Variants in HERC4 observed in about 807,000 individuals in gnomAD.
The protein encoded by HERC4 is probable E3 ubiquitin-protein ligase HERC4.
Under a neutral mutation model 124.3 loss-of-function variants are expected in HERC4, and 28 were observed. The ratio of observed to expected loss-of-function variants is 0.23; its 90% CI spans 0.17 to 0.31. The LOEUF (loss-of-function observed/expected upper bound fraction) is 0.31, where lower values mean the gene tolerates loss of function less well. HERC4 is among the 10% of genes least tolerant of loss of function. HERC4 has a pLI of 1.00. For missense variants in HERC4, 713 were observed against 1,229.3 expected (o/e 0.58, Z 6.28); for synonymous variants, 407 against 421.5 (o/e 0.97, Z 0.42).
chr10:67,989,888 C>T (rs1351259945), intron 14 of HERC4, among the ~76,000 whole-genome samples: 1 of 147,480 alleles, frequency 6.8e-6, no homozygotes, highest in Non-Finnish European at 1.5e-5. Context: ...TTTAATTGTT[C>T]CTCCTCCTTT....
At chr10:68,009,955 CTG>C (rs1186796196) in intron 9 of HERC4, among the ~76,000 whole-genome samples, 6 of 152,066 alleles carry the variant, frequency 3.9e-5, no homozygotes, top group South Asian at 2.1e-4. Context: ...TCTCTACCTA[CTG>C]TGTCCCAGTC....
intron 8 of HERC4, 39 bp from the exon 9 acceptor site, chr10:68,014,225 C>A: frequency 6.8e-7 from 1 of 1,462,102 alleles, no homozygotes; most frequent in Non-Finnish European, 9.1e-7. Flanking sequence ...CTTAATGTTA[C>A]CTTCCAACAA....
At chr10:67,945,304 C>T (rs2033238640) in intron 19 of HERC4, among the ~76,000 whole-genome samples, 1 of 152,124 alleles carries the variant, frequency 6.6e-6, no homozygotes, top group African/African-American at 2.4e-5. Flanking sequence ...GACATATTTA[C>T]AGTGCTGAAG....
intron 3 of HERC4, among the ~76,000 whole-genome samples, chr10:68,045,075 T>C (rs1200520856): frequency 6.6e-6 from 1 of 152,158 alleles, no homozygotes; most frequent in Non-Finnish European, 1.5e-5. Context: ...AATACCAGCA[T>C]TTTGGGAGGC....
intron 4 of HERC4, chr10:68,040,053 G>T: frequency 1.2e-5 from 9 of 740,000 alleles, no homozygotes; most frequent in Non-Finnish European, 1.5e-5. Flanking sequence ...CCATGATAAT[G>T]CCTGGCACCT....
At position 68,017,257 on chromosome 10, in the gene HERC4, C is replaced by A. The variant is rs555701951; in HGVS notation, c.909-3071G>T. 9.8e-5 allele frequency among the ~76,000 whole-genome samples: 15 copies of A among 152,286 alleles called. No homozygotes were observed. The South Asian group carries it at 2.7e-3, about 27-fold the overall frequency. ...AAGAACGAGATATGTAACAAAGCCA[C>A]CCTAGCTGAAACACAGCCTGAGCAA... On this transcript the variant is annotated intron_variant, in intron 8 of 24. Coordinates refer to ENST00000373700, the MANE Select transcript of HERC4 (RefSeq NM_015601.4).
At chr10:68,068,810 G>A (rs2041427776) in intron 3 of HERC4, 1 of 152,352 alleles carries the variant, frequency 6.6e-6, no homozygotes, top group Admixed American at 6.6e-5. Flanking sequence ...CAAGATTTAG[G>A]GTGGTCTCAA....
chr10:68,040,543 G>A lies in HERC4; in HGVS notation c.387-2374C>T, dbSNP rs576216407. 1.4e-5 allele frequency: 8 copies of A among 580,890 alleles called. No homozygotes were observed. The South Asian group carries it at 6.2e-4, about 45-fold the overall frequency. The allele number at this position is 580,890 out of a possible 1,614,324, so 36.0% of individuals were successfully genotyped here. ...GTAATCCCCTTTGTCACATAAAAAAGATAATGTGTTTAATCATTTCTAATT... is the reference window on the plus strand; with the variant it reads ...GTAATCCCCTTTGTCACATAAAAAAAATAATGTGTTTAATCATTTCTAATT... On this transcript the variant is annotated intron_variant, in intron 4 of 24. Transcript: ENST00000373700.
chr10:68,056,277 T>A (rs562156227), intron 3 of HERC4, among the ~76,000 whole-genome samples: 200 of 152,288 alleles, frequency 1.3e-3, no homozygotes, highest in African/African-American at 4.6e-3. Context: ...CTGATGGTGA[T>A]CAAGTTCATT....
intron 8 of HERC4, 54 bp from the exon 9 acceptor site, chr10:68,014,240 C>T: frequency 1.4e-6 from 2 of 1,409,752 alleles, no homozygotes; most frequent in Non-Finnish European, 9.4e-7. Context: ...CAACAATTTA[C>T]AATGACAAAA....
chr10:68,022,187 G>A (rs1029210784), intron 8 of HERC4, among the ~76,000 whole-genome samples: 4 of 152,130 alleles, frequency 2.6e-5, no homozygotes, highest in African/African-American at 4.8e-5. Flanking sequence ...TTGTTAAGAT[G>A]TCAATGCTAC....
chr10:67,937,987 A>G (rs1329815626), intron 21 of HERC4, among the ~76,000 whole-genome samples: 1 of 151,898 alleles, frequency 6.6e-6, no homozygotes, highest in Admixed American at 6.6e-5. Context: ...CGGACAGAAA[A>G]CAGTCTTAAA....
intron 15 of HERC4, among the ~76,000 whole-genome samples, chr10:67,972,073 G>A (rs2035268271): frequency 6.6e-6 from 1 of 151,858 alleles, no homozygotes; most frequent in African/African-American, 2.4e-5. Flanking sequence ...AATTAGCTGA[G>A]TGTGGTGGTG....
At chr10:67,929,112 C>T (rs2031493569) in intron 23 of HERC4, among the ~76,000 whole-genome samples, 1 of 151,946 alleles carries the variant, frequency 6.6e-6, no homozygotes, top group African/African-American at 2.4e-5. Context: ...CCATTTCTGT[C>T]ATTCTAGTGA....
intron 16 of HERC4, among the ~76,000 whole-genome samples, chr10:67,963,228 A>G (rs1237133005): frequency 1.3e-5 from 2 of 151,994 alleles, no homozygotes; most frequent in African/African-American, 4.8e-5. Flanking sequence ...CTATTTATTT[A>G]TTTTTTGAGA....
chr10:67,936,194 C>G lies in HERC4; in HGVS notation c.2613G>C (p.Leu871=). 6.2e-7 allele frequency: 1 copy of G among 1,602,862 alleles called. No homozygotes were observed. The highest frequency in any genetic ancestry group is 1.1e-5 in the South Asian group (1 of 88,118). ...CAGCTGTGTCTGCACCATTTAGAAC[C>G]AGCTCTTTCACTTCTGTTGCACCAA... ...ENFGATEVKE[L]VLNGADTAVN... is the part of the protein sequence containing the mutation. Residue 871 remains leucine, a synonymous_variant, in exon 22 of 25, where the codon CTG becomes CTC. Transcript: ENST00000373700.
chr10:68,056,482 G>C (rs2040555631), intron 3 of HERC4, among the ~76,000 whole-genome samples: 1 of 152,176 alleles, frequency 6.6e-6, no homozygotes, highest in African/African-American at 2.4e-5. Flanking sequence ...ATTGTAATGG[G>C]AAGACAGCGA....
chr10:67,960,653 G>C (rs896982913), intron 16 of HERC4: 2 of 162,740 alleles, frequency 1.2e-5, no homozygotes, highest in African/African-American at 4.8e-5. Context: ...AAAGTGCTGG[G>C]ATTACAGGCG....
At chr10:68,070,287 TA>T in intron 3 of HERC4, 1 of 961,780 alleles carries the variant, frequency 1.0e-6, no homozygotes. Flanking sequence ...AAAACATTCT[TA>T]AAATTTAGTT....
Sources: gnomAD v4.1 joint callset for allele counts (sites outside exome capture counted in the v4.1 genomes callset) on GRCh38, gnomAD v4.1.1 for gene constraint, MANE v1.5 for transcripts, NCBI Gene and HGNC (gene_info 2026-07-23, HGNC 2026-07-21) for gene names.